Variants in PPIG observed in about 807,000 individuals in gnomAD.
The protein encoded by PPIG is peptidylprolyl isomerase G.
A neutral mutation model predicts 87.9 loss-of-function variants in PPIG; 26 were observed. That is an observed-to-expected ratio of 0.30 (90% CI 0.22 to 0.41). The LOEUF (loss-of-function observed/expected upper bound fraction) is 0.41. PPIG is among the 10% of genes least tolerant of loss of function. The probability of loss-of-function intolerance (pLI) is 1.00; values close to 1 mark genes in which losing one functional copy is unlikely to be tolerated. For missense variants in PPIG, 722 were observed against 879.4 expected (o/e 0.82, Z 2.26); for synonymous variants, 308 against 276.5 (o/e 1.11, Z -1.13).
At chr2:169,624,388 T>A (rs2105510875) in intron 9 of PPIG, among the ~76,000 whole-genome samples, 1 of 152,336 alleles carries the variant, frequency 6.6e-6, no homozygotes, top group African/African-American at 2.4e-5. Flanking sequence ...ATAAGCAAAC[T>A]GCGTAATCTA....
chr2:169,606,591 C>CAAAAAAAAAAAAAAAAAAAAAAA (rs71006009), intron 5 of PPIG, among the ~76,000 whole-genome samples: 12 of 85,022 alleles, frequency 1.4e-4, no homozygotes, highest in African/African-American at 4.4e-4. Flanking sequence ...GACTCTGTCT[C>CAAAAAAAAAAAAAAAAAAAAAAA]AAAAAAAAAA....
chr2:169,630,813 C>T lies in PPIG; in HGVS notation c.587C>T (p.Ser196Phe). 1 of 1,610,524 alleles carries T rather than the reference C, an allele frequency of 6.2e-7. No individual in the cohort carries two copies. The highest frequency in any genetic ancestry group is 1.1e-5 in the South Asian group (1 of 89,736). Reference protein sequence around the residue: ...EEKKRHKSSSSSSSSSSDSDS... With the variant: ...EEKKRHKSSSFSSSSSSDSDS... ...AAGAAAAGGCATAAATCATCATCAT[C>T]TTCCTCCTCCTCATCTAGTGACTCA... Residue 196 changes from serine to phenylalanine, a missense_variant, in exon 10 of 14, where the codon TCT becomes TTT. Ser to Phe is a radical substitution (Grantham distance 155). Transcript: ENST00000260970.
chr2:169,594,335 A>AAC (rs777785297), intron 1 of PPIG, among the ~76,000 whole-genome samples: 27 of 149,630 alleles, frequency 1.8e-4, no homozygotes, highest in Non-Finnish European at 2.7e-4. Flanking sequence ...AAAAAAAAAA[A>AAC]AACGCATTTT....
chr2:169,628,041 G>T (rs1685939747), intron 9 of PPIG, among the ~76,000 whole-genome samples: 1 of 151,862 alleles, frequency 6.6e-6, no homozygotes, highest in Non-Finnish European at 1.5e-5. Flanking sequence ...GATTTTTCAG[G>T]TTATATGTTT....
chr2:169,606,949 C>T (rs1225105069), intron 5 of PPIG, among the ~76,000 whole-genome samples, 155 bp from the exon 6 acceptor site: 2 of 151,986 alleles, frequency 1.3e-5, no homozygotes, highest in Admixed American at 6.6e-5. Flanking sequence ...GGGACCTTGT[C>T]GTTATTGACA....
At chr2:169,621,592 A>G (rs1203786734) in intron 9 of PPIG, among the ~76,000 whole-genome samples, 3 of 152,036 alleles carry the variant, frequency 2.0e-5, no homozygotes, top group Admixed American at 2.0e-4. Context: ...ATCTGTAATG[A>G]TGTTTGTTAC....
chr2:169,616,417 C>T (rs1055343029), intron 9 of PPIG, among the ~76,000 whole-genome samples: 66 of 152,254 alleles, frequency 4.3e-4, no homozygotes, highest in African/African-American at 1.4e-3. Context: ...CTTGAGGAAT[C>T]GCCACACTGT....
chr2:169,601,504 G>A lies in PPIG; in HGVS notation c.-69-2138G>A, dbSNP rs542789137. Among the ~76,000 whole-genome samples, 24 of 152,310 alleles carry A rather than the reference G, an allele frequency of 1.6e-4. 2 individuals carry two copies. In the South Asian group the frequency reaches 3.9e-3, roughly 25 times the overall value. Reference sequence around the variant, plus strand: ...GATGTAAAGTGTTAGGAGGATGAGAGCTCCTTTCTTGAATACAGTAGACTA... The same window carrying A: ...GATGTAAAGTGTTAGGAGGATGAGAACTCCTTTCTTGAATACAGTAGACTA... On this transcript the variant is annotated intron_variant, in intron 1 of 13. Transcript: ENST00000260970.
chr2:169,622,214 A>G (rs1319634968), intron 9 of PPIG, among the ~76,000 whole-genome samples: 1 of 152,214 alleles, frequency 6.6e-6, no homozygotes, highest in Non-Finnish European at 1.5e-5. Context: ...TGAGGTCAGG[A>G]GGTCGAGACC....
intron 1 of PPIG, among the ~76,000 whole-genome samples, chr2:169,600,671 CAAAAAT>C (rs1685155506): frequency 6.6e-6 from 1 of 151,166 alleles, no homozygotes; most frequent in Non-Finnish European, 1.5e-5. Context: ...AAAACAAAAA[CAAAAAT>C]AAGAAAAAAG....
intron 1 of PPIG, among the ~76,000 whole-genome samples, chr2:169,591,510 A>C (rs1559173572): frequency 6.6e-6 from 1 of 152,104 alleles, no homozygotes; most frequent in Non-Finnish European, 1.5e-5. Flanking sequence ...TGTATGATTA[A>C]TTTTTTTCAG....
chr2:169,636,968 C>T lies in PPIG; in HGVS notation c.1710C>T (p.Asp570=), dbSNP rs769235666. Residue 570 remains aspartate, a synonymous_variant, in exon 14 of 14, where the codon GAC becomes GAT. Transcript: ENST00000260970. The part of the protein sequence containing the change: ...SRTRERSRSR[D]RSRRVRSRTH... ...CAAGAGAACGAAGCAGAAGTAGGGA[C>T]AGAAGCAGAAGAGTGCGATCAAGAA... 1.2e-6 allele frequency: 2 copies of T among 1,613,778 alleles called. No homozygotes were observed. The highest frequency in any genetic ancestry group is 2.7e-5 in the African/African-American group (2 of 74,882).
chr2:169,616,259 A>G (rs1685605381), intron 9 of PPIG, among the ~76,000 whole-genome samples: 3 of 152,052 alleles, frequency 2.0e-5, no homozygotes, highest in Admixed American at 2.0e-4. Context: ...TGATGGGCAT[A>G]TGGGTTGGTT....
intron 9 of PPIG, among the ~76,000 whole-genome samples, chr2:169,623,676 C>T (rs1277307561): frequency 6.6e-6 from 1 of 152,058 alleles, no homozygotes; most frequent in Non-Finnish European, 1.5e-5. Context: ...ATTTCAGTGT[C>T]CTTATTCTGA....
chr2:169,630,425 T>C (rs2105518076), intron 9 of PPIG, among the ~76,000 whole-genome samples: 1 of 152,288 alleles, frequency 6.6e-6, no homozygotes, highest in African/African-American at 2.4e-5. Context: ...ATCTTGATAA[T>C]AAGAGGGAAA....
intron 9 of PPIG, among the ~76,000 whole-genome samples, chr2:169,622,136 T>G (rs1450941362): frequency 1.3e-5 from 2 of 151,778 alleles, no homozygotes; most frequent in Non-Finnish European, 2.9e-5. Flanking sequence ...AATAAAAGAG[T>G]TTTTGGCCAG....
At position 169,630,801 on chromosome 2, in the gene PPIG, AATC is replaced by A. The variant is rs767568138; in HGVS notation, c.585_587del (p.Ser202del). 1.3e-4 allele frequency: 204 copies of A among 1,607,278 alleles called. 1 individual carries two copies. In the East Asian group the frequency reaches 2.2e-3, roughly 18 times the overall value. ...AAGAAAGAAGAAAAGAAAAGGCATA[AATC>A]ATCATCATCTTCCTCCTCCTCATCT... is the stretch of plus-strand genomic sequence containing the variant. On this transcript the variant is annotated inframe_deletion, in exon 10 of 14. Coordinates refer to ENST00000260970, the MANE Select transcript of PPIG (RefSeq NM_004792.3).
Position 169,630,868 on chromosome 2 carries a change from T to C in PPIG, c.642T>C (p.Ser214=). 6.2e-7 allele frequency: 1 copy of C among 1,610,674 alleles called. No homozygotes were observed. The highest frequency in any genetic ancestry group is 8.5e-7 in the Non-Finnish European group (1 of 1,178,814). ...SDSSSDSQSS[S]DSSDSESATE... ...GCTCAAGTGATTCTCAGTCCTCTTC[T>C]GATTCCTCTGATTCCGAAAGTGCTA... is the stretch of plus-strand genomic sequence containing the variant. Residue 214 remains serine (S), a synonymous_variant, in exon 10 of 14, where the codon TCT becomes TCC. Coordinates refer to ENST00000260970, the MANE Select transcript of PPIG (RefSeq NM_004792.3).
intron 9 of PPIG, among the ~76,000 whole-genome samples, chr2:169,627,925 A>G (rs958844248): frequency 6.6e-6 from 1 of 151,918 alleles, no homozygotes; most frequent in Non-Finnish European, 1.5e-5. Flanking sequence ...GCACAATTTT[A>G]TGTTTTTATT....
Sources: gnomAD v4.1 joint callset for allele counts (sites outside exome capture counted in the v4.1 genomes callset) on GRCh38, gnomAD v4.1.1 for gene constraint, MANE v1.5 for transcripts, NCBI Gene and HGNC (gene_info 2026-07-23, HGNC 2026-07-21) for gene names.